TOP3B: variants seen among roughly 807,000 people sequenced by gnomAD.
The protein encoded by TOP3B is DNA topoisomerase 3-beta-1.
A neutral mutation model predicts 93.9 loss-of-function variants in TOP3B; 45 were observed. That is an observed-to-expected ratio of 0.48 (90% CI 0.38 to 0.61). TOP3B has a LOEUF of 0.61. Ranked by LOEUF, TOP3B falls within the 20% of genes least tolerant of loss-of-function variation. The probability of loss-of-function intolerance (pLI) is 0.00; values close to 1 mark genes in which losing one functional copy is unlikely to be tolerated. For synonymous variants in TOP3B, 357 were observed against 472.6 expected, an observed-to-expected ratio of 0.76 and a Z score of 3.17; for missense variants, 750 against 1,156.1, an observed-to-expected ratio of 0.65 and a Z score of 5.09.
At chr22:21,957,813 C>T (rs181301639) in intron 17 of TOP3B, 83 of 1,532,808 alleles carry the variant, frequency 5.4e-5, no homozygotes, top group East Asian at 3.7e-4. Flanking sequence ...CAAGGCCCCT[C>T]GCTGGCACCA....
intron 7 of TOP3B, 80 bp downstream of exon 7, chr22:21,968,539 G>A (rs930296707): frequency 5.1e-6 from 8 of 1,571,228 alleles, no homozygotes; most frequent in African/African-American, 2.7e-5. Flanking sequence ...GGGGCCTGCC[G>A]GCTGATGATG....
intron 16 of TOP3B, 115 bp from the exon 17 acceptor site, chr22:21,958,808 A>T: frequency 7.0e-7 from 1 of 1,423,858 alleles, no homozygotes; most frequent in Non-Finnish European, 9.2e-7. Flanking sequence ...CCTGTGACAC[A>T]CTGCCAGGCA....
chr22:21,958,689 T>C lies in TOP3B; in HGVS notation c.1910A>G (p.Lys637Arg). Residue 637 changes from lysine to arginine, a missense_variant, in exon 17 of 18, where the codon AAG becomes AGG. Lys to Arg is a conservative substitution (Grantham distance 26). This residue lies in a region of TOP3B where 737 missense variants were observed against 933.7 expected (regional missense o/e 0.79). Transcript: ENST00000357179. ...GTGGGAGCAGTGCAGGCGGCTTGGC[T>C]TGGCCTGCGGCAATGCCAGGCAGGT... ...CHRFMKYIQA[K>R]PSRLHCSHCD... 3 of 1,596,660 alleles carry C rather than the reference T, an allele frequency of 1.9e-6. No individual in the cohort carries two copies. Among genetic ancestry groups the C allele is most frequent in the South Asian group, 2.2e-5 (2 of 90,608 alleles).
At chr22:21,973,282 C>CT (rs144819169) in intron 3 of TOP3B, 12,571 of 158,992 alleles carry the variant, frequency 0.079, 596 homozygotes, top group Middle Eastern at 0.15. Flanking sequence ...GGCCCCATTT[C>CT]TTTTTTTTTC....
chr22:21,967,931 A>G, intron 7 of TOP3B: 1 of 543,226 alleles, frequency 1.8e-6, no homozygotes. Context: ...AGCCAGTCTC[A>G]GGAAGGTGGC....
Position 21,963,803 on chromosome 22 carries a change from C to A in TOP3B, c.1204+120G>T. The A allele has an allele frequency of 9.6e-7, 1 of 1,040,434 alleles. No homozygotes were observed. The highest frequency in any genetic ancestry group is 1.4e-6 in the Non-Finnish European group (1 of 705,886). The allele number at this position is 1,040,434 out of a possible 1,614,324, so 64.5% of individuals were successfully genotyped here. On this transcript the variant is annotated intron_variant, in intron 11 of 17. Transcript: ENST00000357179. This position sits in a 1 kb window ranked among gnomAD's most constrained non-coding sequence, Gnocchi z 4.8. ...TCTTCCAGGTGGCCCCCCATCCCCA[C>A]AGCCAGGGCAGGCAGAGGCTGAAGG...
chr22:21,958,531 A>G lies in TOP3B; in HGVS notation c.2068T>C (p.Tyr690His), dbSNP rs745477678. The G allele has an allele frequency of 1.2e-6, 2 of 1,614,086 alleles. No homozygotes were observed. Among genetic ancestry groups the G allele is most frequent in the Middle Eastern group, 1.7e-4 (1 of 6,060 alleles). ...CGGAAGGGTGGGTGGTTGTAGCAGT[A>G]GGGGCACAGCGGGTAGCTCTTGCCC... The part of the protein sequence containing the change: ...SRGKSYPLCP[Y>H]CYNHPPFRDM... The change falls in exon 17 of 18, where the codon TAC becomes CAC. Residue 690 changes from tyrosine to histidine, a missense_variant. Tyr to His is a moderately conservative substitution (Grantham distance 83, BLOSUM62 2). Coordinates refer to ENST00000357179, the MANE Select transcript of TOP3B (RefSeq NM_001282112.2).
chr22:21,963,127 A>G lies in TOP3B; in HGVS notation c.1205-234T>C. On this transcript the variant is annotated intron_variant, in intron 11 of 17. Coordinates refer to ENST00000357179, the MANE Select transcript of TOP3B (RefSeq NM_001282112.2). The surrounding 1 kb of genome is among the most constrained non-coding windows in gnomAD (Gnocchi z 4.8). ...GGTGGATGGATCACTTGAGGTCAGG[A>G]GTTTGAGACCAGCCTGGCCAACATG... is the stretch of plus-strand genomic sequence containing the variant. 2.0e-6 allele frequency: 1 copy of G among 492,104 alleles called. No homozygotes were observed. The highest frequency in any genetic ancestry group is 3.7e-6 in the Non-Finnish European group (1 of 271,232). 30.5% of individuals were successfully genotyped at this position (492,104 alleles called of 1,614,324 possible).
intron 16 of TOP3B, 123 bp downstream of exon 16, chr22:21,959,009 C>CT (rs760608353): frequency 2.1e-5 from 30 of 1,441,826 alleles, no homozygotes; most frequent in Middle Eastern, 1.8e-4. Context: ...GGCAAGGCCT[C>CT]TTTATGTTCC....
At position 21,971,704 on chromosome 22, in the gene TOP3B, C is replaced by G. The variant is rs2071646084; in HGVS notation, c.384+173G>C. On this transcript the variant is annotated intron_variant, in intron 5 of 17. Coordinates refer to ENST00000357179, the MANE Select transcript of TOP3B (RefSeq NM_001282112.2). The surrounding 1 kb of genome is among the most constrained non-coding windows in gnomAD (Gnocchi z 4.6). ...CTGACCACCTTTAATAGAGCCTATGCAGTTAAAAGTATCTGTGGAGTTTCA... is the reference window on the plus strand; with the variant it reads ...CTGACCACCTTTAATAGAGCCTATGGAGTTAAAAGTATCTGTGGAGTTTCA... 1.4e-6 allele frequency: 1 copy of G among 689,890 alleles called. No homozygotes were observed. Among genetic ancestry groups the G allele is most frequent in the South Asian group, 1.6e-5 (1 of 63,846 alleles). The allele number at this position is 689,890 out of a possible 1,614,324, so 42.7% of individuals were successfully genotyped here. A position where few individuals can be genotyped will look rare whatever the true frequency, so the allele number is the denominator to read the frequency against.
rs2071498641 is a variant in TOP3B at position 21,968,409 on chromosome 22, C to A, written c.738+210G>T. 6 of 581,240 alleles carry A rather than the reference C, an allele frequency of 1.0e-5. No homozygotes were observed. In the South Asian group the frequency reaches 1.4e-4, roughly 13 times the overall value. The allele number at this position is 581,240 out of a possible 1,614,324, so 36.0% of individuals were successfully genotyped here. A position where few individuals can be genotyped will look rare whatever the true frequency, so the allele number is the denominator to read the frequency against. On this transcript the variant is annotated intron_variant, in intron 7 of 17. Coordinates refer to ENST00000357179, the MANE Select transcript of TOP3B (RefSeq NM_001282112.2). ...AGAGCTGAACTCATTCCCACTTATC[C>A]AGATTCAGCATATACAGGCCCAGTC...
At position 21,963,717 on chromosome 22, in the gene TOP3B, C is replaced by A; in HGVS notation, c.1204+206G>T. 1 of 589,606 alleles carries A rather than the reference C, an allele frequency of 1.7e-6. No individual in the cohort carries two copies. The highest frequency in any genetic ancestry group is 3.0e-6 in the Non-Finnish European group (1 of 335,066). The allele number at this position is 589,606 out of a possible 1,614,324, so 36.5% of individuals were successfully genotyped here. Reference sequence around the variant, plus strand: ...CTGTGGCGTCTGCCCCCTTGCCTCCCTGCAACAGCACCTGCTGCTACCTCT... The same window carrying A: ...CTGTGGCGTCTGCCCCCTTGCCTCCATGCAACAGCACCTGCTGCTACCTCT... On this transcript the variant is annotated intron_variant, in intron 11 of 17. Transcript: ENST00000357179. The surrounding 1 kb of genome is among the most constrained non-coding windows in gnomAD (Gnocchi z 4.8).
At chr22:21,980,708 G>A (rs952512917) in intron 1 of TOP3B, among the ~76,000 whole-genome samples, 3 of 152,202 alleles carry the variant, frequency 2.0e-5, no homozygotes, top group African/African-American at 7.2e-5. Flanking sequence ...AGGCTCTGCT[G>A]CGCACCCACC....
chr22:21,977,974 G>A (rs1023606633), intron 1 of TOP3B, among the ~76,000 whole-genome samples: 3 of 152,028 alleles, frequency 2.0e-5, no homozygotes, highest in African/African-American at 7.3e-5. Flanking sequence ...GGCAGAAGGA[G>A]CAGGGAAGGT....
chr22:21,960,185 G>A (rs1303212783), intron 14 of TOP3B, 136 bp downstream of exon 14: 45 of 1,328,004 alleles, frequency 3.4e-5, no homozygotes, highest in Non-Finnish European at 4.3e-5. Context: ...CCCCTTCAGC[G>A]GGTGTTGAGG....
At chr22:21,978,508 A>C (rs2071975499) in intron 1 of TOP3B, among the ~76,000 whole-genome samples, 1 of 152,166 alleles carries the variant, frequency 6.6e-6, no homozygotes, top group African/African-American at 2.4e-5. Flanking sequence ...GTTAAACGGG[A>C]CCTGCCCATT....
Position 21,970,058 on chromosome 22 carries a change from CT to C in TOP3B, c.581+151del, listed in dbSNP as rs2071571578. On this transcript the variant is annotated intron_variant, in intron 6 of 17. Coordinates refer to ENST00000357179, the MANE Select transcript of TOP3B (RefSeq NM_001282112.2). This position sits in a 1 kb window ranked among gnomAD's most constrained non-coding sequence, Gnocchi z 4.4. ...GTGCAGGGATTACAGGTGTTAGCCA[CT>C]GTGCCTGGCCTTCTTCAGGGTTGGT... 6.4e-6 allele frequency: 5 copies of C among 786,510 alleles called. No individual in the cohort carries two copies. Among genetic ancestry groups the C allele is most frequent in the Non-Finnish European group, 8.0e-6 (4 of 502,074 alleles). 48.7% of individuals were successfully genotyped at this position (786,510 alleles called of 1,614,324 possible). A position where few individuals can be genotyped will look rare whatever the true frequency, so the allele number is the denominator to read the frequency against.
rs1344072856 is a variant in TOP3B, at chr22:21,964,211, G to C, written c.1048C>G (p.Leu350Val). 1.2e-6 allele frequency: 2 copies of C among 1,614,210 alleles called. No individual in the cohort carries two copies. The highest frequency in any genetic ancestry group is 2.2e-5 in the South Asian group (2 of 91,084). The change falls in exon 10 of 18, where the codon CTG becomes GTG. Residue 350 changes from leucine to valine, a missense_variant. This residue lies in a region of TOP3B where 737 missense variants were observed against 933.7 expected (regional missense o/e 0.79). Coordinates refer to ENST00000357179, the MANE Select transcript of TOP3B (RefSeq NM_001282112.2). ...GCCTGCTGCCGCAGAGAGCCCTTCA[G>C]GTCAAAGTTCTCAGGGTAGTGGGTG... ...ETTHYPENFD[L>V]KGSLRQQANH...
Position 21,963,946 on chromosome 22 carries a change from T to A in TOP3B, c.1181A>T (p.Lys394Met). 6.2e-7 allele frequency: 1 copy of A among 1,613,658 alleles called. No homozygotes were observed. Among genetic ancestry groups the A allele is most frequent in the Non-Finnish European group, 8.5e-7 (1 of 1,179,970 alleles). ...AGDHPPITPM[K>M]SATEAELGGD... Reference sequence around the variant, plus strand: ...ACCTAATTCGGCCTCTGTGGCAGACTTCATGGGGGTGATGGGGGGATGGTC... The same window carrying A: ...ACCTAATTCGGCCTCTGTGGCAGACATCATGGGGGTGATGGGGGGATGGTC... Residue 394 changes from lysine to methionine, a missense_variant, in exon 11 of 18, where the codon AAG becomes ATG. Lys to Met is a moderately conservative substitution (Grantham distance 95, BLOSUM62 -1). Around this residue, in one of 4 missense-constraint regions of TOP3B, gnomAD observed 737 missense variants for 933.7 expected, o/e 0.79. Transcript: ENST00000357179. The surrounding 1 kb of genome is among the most constrained non-coding windows in gnomAD (Gnocchi z 4.8).
Sources: gnomAD v4.1 joint callset for allele counts (sites outside exome capture counted in the v4.1 genomes callset) on GRCh38, gnomAD v4.1.1 for gene constraint, gnomAD v4.1.1 regional missense constraint, Gnocchi (gnomAD v3.1) non-coding constraint, MANE v1.5 for transcripts, NCBI Gene and HGNC (gene_info 2026-07-23, HGNC 2026-07-21) for gene names.